Variants in HHLA2 observed in about 807,000 individuals in gnomAD.
HHLA2 encodes the protein HHLA2 member of B7 family.
HHLA2 carries 48 observed loss-of-function variants against 45.9 expected under a neutral mutation model. That is an observed-to-expected ratio of 1.05 (90% CI 0.83 to 1.33). The LOEUF (loss-of-function observed/expected upper bound fraction) is 1.33, where lower values mean the gene tolerates loss of function less well. HHLA2 is among the 40% of genes most tolerant of loss of function. The probability of loss-of-function intolerance (pLI) is 0.00; values close to 1 mark genes in which losing one functional copy is unlikely to be tolerated. For missense variants in HHLA2, 462 were observed against 494.3 expected, an observed-to-expected ratio of 0.93 and a Z score of 0.62; for synonymous variants, 161 against 173.9, an observed-to-expected ratio of 0.93 and a Z score of 0.59.
At chr3:108,331,898 ACT>A (rs1457587119) in intron 3 of HHLA2, among the ~76,000 whole-genome samples, 3 of 151,852 alleles carry the variant, frequency 2.0e-5, no homozygotes, top group African/African-American at 7.3e-5. Context: ...ATTTTAAAAC[ACT>A]CTCATGCTTT....
At chr3:108,325,511 C>A in intron 2 of HHLA2, 1 of 315,144 alleles carries the variant, frequency 3.2e-6, no homozygotes, top group Non-Finnish European at 6.2e-6. Flanking sequence ...GTAATTAAAA[C>A]CTTCTGCTAC....
intron 1 of HHLA2, among the ~76,000 whole-genome samples, chr3:108,297,102 T>G (rs1214596391): frequency 6.6e-6 from 1 of 152,252 alleles, no homozygotes; most frequent in Non-Finnish European, 1.5e-5. Context: ...CTTAGAAGTC[T>G]CCTAGATATT....
chr3:108,362,913 C>A (rs1339691603), intron 8 of HHLA2, among the ~76,000 whole-genome samples: 1 of 152,126 alleles, frequency 6.6e-6, no homozygotes, highest in Non-Finnish European at 1.5e-5. Context: ...TCCTTACCCT[C>A]ACACCTCAGA....
chr3:108,364,814 A>G (rs1223841193), intron 8 of HHLA2, among the ~76,000 whole-genome samples: 1 of 152,152 alleles, frequency 6.6e-6, no homozygotes, highest in Non-Finnish European at 1.5e-5. Context: ...GTGTCTGTTC[A>G]TATCCTTCAC....
At chr3:108,328,322 C>T in exon 3 of HHLA2, 1 of 1,531,776 alleles carries the variant, frequency 6.5e-7, no homozygotes, top group Admixed American at 2.0e-5. Flanking sequence ...GTGGAATATA[C>T]TAAAGCCTAG....
At chr3:108,320,386 A>G (rs901941519) in intron 2 of HHLA2, among the ~76,000 whole-genome samples, 74 of 152,232 alleles carry the variant, frequency 4.9e-4, no homozygotes, top group African/African-American at 1.7e-3. Flanking sequence ...GTTATGAAAT[A>G]GAATTTATTA....
intron 3 of HHLA2, among the ~76,000 whole-genome samples, chr3:108,345,823 C>T (rs1560237036): frequency 6.6e-6 from 1 of 152,206 alleles, no homozygotes; most frequent in East Asian, 1.9e-4. Context: ...TAGGCACAAC[C>T]AGGAAGAGCA....
At chr3:108,362,430 C>T (rs6779094) in exon 8 of HHLA2, 6 of 1,607,458 alleles carry the variant, frequency 3.7e-6, no homozygotes, top group South Asian at 1.1e-5. Flanking sequence ...TGATTTGGAG[C>T]GTAAAATGTT....
intron 6 of HHLA2, among the ~76,000 whole-genome samples, chr3:108,357,559 GCTTA>G (rs139002483): frequency 0.017 from 2,557 of 152,152 alleles, 59 homozygotes; most frequent in African/African-American, 0.056. Context: ...ATTCCTGAGT[GCTTA>G]CTGTCAGGTT....
chr3:108,367,551 G>A (rs369578840), intron 8 of HHLA2, among the ~76,000 whole-genome samples: 3 of 151,804 alleles, frequency 2.0e-5, no homozygotes, highest in South Asian at 2.1e-4. Flanking sequence ...ATGAGAACTC[G>A]TGAAGCATAC....
chr3:108,319,306 C>G (rs2081157221), intron 2 of HHLA2, among the ~76,000 whole-genome samples: 1 of 152,048 alleles, frequency 6.6e-6, no homozygotes, highest in Non-Finnish European at 1.5e-5. Flanking sequence ...ATTGGTCAGG[C>G]TGAAGCTTTC....
chr3:108,347,886 T>G (rs1441689052), intron 3 of HHLA2, among the ~76,000 whole-genome samples: 2 of 152,168 alleles, frequency 1.3e-5, no homozygotes, highest in Non-Finnish European at 2.9e-5. Context: ...AATTTGGTAC[T>G]AGGTGAGATG....
chr3:108,323,653 T>C (rs1405144014), intron 2 of HHLA2, among the ~76,000 whole-genome samples: 2 of 152,196 alleles, frequency 1.3e-5, no homozygotes, highest in African/African-American at 4.8e-5. Flanking sequence ...ATTCATATTA[T>C]TGGATTCTGG....
rs34273567 is a variant in HHLA2 at position 108,316,782 on chromosome 3, AT to A, written c.-105+6050del. ...TACTAAATCGCACGCTTTAGGCCCT[AT>A]TTTTTTTTCCAAATAAAATTTGGCA... is the stretch of plus-strand genomic sequence containing the variant. On this transcript the variant is annotated intron_variant, in intron 2 of 10. Coordinates refer to ENST00000619531, the Ensembl canonical transcript of HHLA2. Among the ~76,000 whole-genome samples the A allele has an allele frequency of 5.3e-5, 8 of 151,504 alleles. No homozygotes were observed. The East Asian group carries it at 1.2e-3, about 22-fold the overall frequency.
At chr3:108,299,538 T>G (rs983994805) in intron 1 of HHLA2, among the ~76,000 whole-genome samples, 2 of 151,982 alleles carry the variant, frequency 1.3e-5, no homozygotes, top group Non-Finnish European at 2.9e-5. Context: ...GAGTTGCAAA[T>G]TCAGGGGTGG....
At chr3:108,318,918 CT>C (rs2081149456) in intron 2 of HHLA2, among the ~76,000 whole-genome samples, 1 of 152,180 alleles carries the variant, frequency 6.6e-6, no homozygotes, top group South Asian at 2.1e-4. Context: ...CATCTCATTT[CT>C]TTCATTTTGT....
chr3:108,315,168 G>C (rs1318623169), intron 2 of HHLA2, among the ~76,000 whole-genome samples: 1 of 152,186 alleles, frequency 6.6e-6, no homozygotes, highest in African/African-American at 2.4e-5. Flanking sequence ...TGCCAGGGGT[G>C]CATCCTCTTG....
intron 2 of HHLA2, chr3:108,326,075 G>T: frequency 3.6e-6 from 1 of 275,064 alleles, no homozygotes; most frequent in African/African-American, 2.3e-5. Context: ...TTTCCATACT[G>T]TTCAAAATTA....
At chr3:108,342,388 T>C (rs1249686091) in intron 3 of HHLA2, among the ~76,000 whole-genome samples, 1 of 151,106 alleles carries the variant, frequency 6.6e-6, no homozygotes, top group African/African-American at 2.4e-5. Flanking sequence ...CTCAGCCTCC[T>C]GAGTAGCTGG....
Sources: allele counts gnomAD v4.1 joint callset (sites outside exome capture counted in the v4.1 genomes callset), GRCh38; gene constraint gnomAD v4.1.1; transcripts MANE v1.5; gene names NCBI Gene and HGNC (gene_info 2026-07-23, HGNC 2026-07-21).